The following LCORL variants were observed in gnomAD, a reference collection of about 807,000 sequenced individuals.
LCORL encodes ligand dependent nuclear receptor corepressor like.
LCORL carries 41 observed loss-of-function variants against 141.8 expected under a neutral mutation model. That is an observed-to-expected ratio of 0.29 (90% CI 0.23 to 0.38). The LOEUF is 0.38. Ranked by LOEUF, LCORL falls within the 10% of genes least tolerant of loss-of-function variation. LCORL has a pLI of 1.00. For synonymous variants in LCORL, 618 were observed against 694.1 expected, an observed-to-expected ratio of 0.89 and a Z score of 1.72; for missense variants, 1,759 against 2,035.0, an observed-to-expected ratio of 0.86 and a Z score of 2.61.
rs763116810 is a variant in LCORL, at chr4:18,021,685, GAGCGGCGGCGGCGGCGGCGGCAGC to G, written c.43_66del (p.Ala15_Ala22del). 7.9e-5 allele frequency: 121 copies of G among 1,534,832 alleles called. No individual in the cohort carries two copies. The highest frequency in any genetic ancestry group is 1.7e-4 in the Middle Eastern group (1 of 5,792). Reference sequence around the variant, plus strand: ...GCCGCGCACCGAGGGCTCCGGCACTGAGCGGCGGCGGCGGCGGCGGCAGCAGCGGCGGCGGCAGCGGCCATTCTC... The same window carrying G: ...GCCGCGCACCGAGGGCTCCGGCACTGAGCGGCGGCGGCAGCGGCCATTCTC... On this transcript the variant is annotated inframe_deletion, in exon 1 of 8. Coordinates refer to ENST00000635767, the Ensembl canonical transcript of LCORL. This position sits in a 1 kb window ranked among gnomAD's most constrained non-coding sequence, Gnocchi z 5.5.
intron 2 of LCORL, among the ~76,000 whole-genome samples, chr4:17,966,272 T>C (rs1482269830): frequency 1.3e-5 from 2 of 151,820 alleles, no homozygotes; most frequent in East Asian, 3.9e-4. Flanking sequence ...GGCTAGCCAA[T>C]GAAGAAAAAA....
intron 4 of LCORL, among the ~76,000 whole-genome samples, chr4:17,954,569 T>C (rs541199960): frequency 4.0e-5 from 5 of 126,076 alleles, no homozygotes; most frequent in South Asian, 6.6e-4. Context: ...TCTTTTTGCA[T>C]AGAAAGCTGA....
chr4:17,989,020 T>G (rs1355439071), intron 1 of LCORL, among the ~76,000 whole-genome samples: 1 of 152,178 alleles, frequency 6.6e-6, no homozygotes, highest in African/African-American at 2.4e-5. Context: ...TTAAAAAAAC[T>G]TTCTTTTTGG....
intron 4 of LCORL, among the ~76,000 whole-genome samples, chr4:17,915,770 G>A (rs947303735): frequency 1.1e-4 from 17 of 152,208 alleles, no homozygotes; most frequent in African/African-American, 4.1e-4. Flanking sequence ...TCTAAGCAAA[G>A]TGTGAAAGGT....
chr4:17,868,296 T>C (rs1025659964), intron 7 of LCORL, among the ~76,000 whole-genome samples: 15 of 152,160 alleles, frequency 9.9e-5, no homozygotes, highest in African/African-American at 2.6e-4. Context: ...GATGGCAAAA[T>C]AGAAGAAGCT....
intron 7 of LCORL, among the ~76,000 whole-genome samples, chr4:17,867,761 A>G (rs1408321833): frequency 6.6e-6 from 1 of 152,230 alleles, no homozygotes; most frequent in African/African-American, 2.4e-5. Context: ...GCAATTAGTA[A>G]AACAGAATAT....
rs1369019506 is a variant in LCORL at position 18,021,758 on chromosome 4, C to T, written c.-7G>A. The stretch of plus-strand genomic sequence containing the variant: ...TCTCTCTTCCCTTGTCCATCTGCGT[C>T]CCGCGTCACGCGCCCTCATTTACAT... On this transcript the variant is annotated 5_prime_UTR_variant, in exon 1 of 8. Coordinates refer to ENST00000635767, the Ensembl canonical transcript of LCORL. This position sits in a 1 kb window ranked among gnomAD's most constrained non-coding sequence, Gnocchi z 5.5. 1.0e-5 allele frequency: 15 copies of T among 1,489,026 alleles called. No homozygotes were observed. Among genetic ancestry groups the T allele is most frequent in the East Asian group, 2.7e-5 (1 of 37,570 alleles). The allele number at this position is 1,489,026 out of a possible 1,614,324, so 92.2% of individuals were successfully genotyped here.
At chr4:17,876,565 C>A in exon 7 of LCORL, 1 of 1,230,660 alleles carries the variant, frequency 8.1e-7, no homozygotes, top group East Asian at 3.2e-5. Flanking sequence ...TTCACTGGAT[C>A]GTTTTTTGTT....
intron 5 of LCORL, chr4:17,893,710 T>A (rs1057312801): frequency 2.8e-6 from 1 of 352,764 alleles, no homozygotes; most frequent in East Asian, 1.6e-4. Context: ...GTCCAAAATG[T>A]GTTTTTACAG....
intron 7 of LCORL, among the ~76,000 whole-genome samples, chr4:17,858,030 TAAAG>T (rs1041946293): frequency 6.6e-6 from 1 of 152,042 alleles, no homozygotes; most frequent in African/African-American, 2.4e-5. Context: ...GAAAAGTCAT[TAAAG>T]AAATAGATAA....
exon 7 of LCORL, chr4:17,875,018 A>G: frequency 8.1e-7 from 1 of 1,233,728 alleles, no homozygotes; most frequent in East Asian, 3.2e-5. Context: ...TCAAAGGTAC[A>G]GTAGCAATCA....
exon 8 of LCORL, chr4:17,845,901 G>A (rs1475640222): frequency 6.3e-7 from 1 of 1,594,944 alleles, no homozygotes; most frequent in African/African-American, 1.4e-5. Flanking sequence ...CTTGTAGCAT[G>A]CTGGAAGAAA....
At chr4:17,998,985 A>ATATATATAT (rs1553885284) in intron 1 of LCORL, among the ~76,000 whole-genome samples, 8 of 57,896 alleles carry the variant, frequency 1.4e-4, no homozygotes, top group South Asian at 1.5e-3. Flanking sequence ...AAAAAAAAAA[A>ATATATATAT]ATATATATAT....
intron 4 of LCORL, among the ~76,000 whole-genome samples, chr4:17,953,358 C>T (rs1312790119): frequency 2.6e-5 from 4 of 152,210 alleles, no homozygotes; most frequent in African/African-American, 9.6e-5. Flanking sequence ...CTTACACTCC[C>T]ACCAGCAGTG....
intron 4 of LCORL, among the ~76,000 whole-genome samples, chr4:17,942,652 A>G (rs889047472): frequency 1.3e-5 from 2 of 152,236 alleles, no homozygotes; most frequent in Non-Finnish European, 1.5e-5. Context: ...AAACTCTAAT[A>G]TAACTATGAT....
intron 1 of LCORL, among the ~76,000 whole-genome samples, chr4:17,983,840 T>A (rs887539301): frequency 6.6e-6 from 1 of 152,226 alleles, no homozygotes; most frequent in Non-Finnish European, 1.5e-5. Context: ...ATCCTTGTCA[T>A]GTGCCAGTTT....
At chr4:17,970,200 A>G (rs1288136678) in intron 2 of LCORL, among the ~76,000 whole-genome samples, 1 of 152,222 alleles carries the variant, frequency 6.6e-6, no homozygotes, top group East Asian at 1.9e-4. Context: ...ACCAGATAGA[A>G]GATCCAGAAA....
intron 7 of LCORL, among the ~76,000 whole-genome samples, chr4:17,867,426 T>C (rs139352564): frequency 1.6e-4 from 24 of 152,230 alleles, no homozygotes; most frequent in African/African-American, 5.1e-4. Flanking sequence ...AAAATAGCAA[T>C]AGGCAATATA....
In LCORL at chr4:17,960,796, G is replaced by T. The variant is rs140254765; in HGVS notation, c.430+1107C>A. On this transcript the variant is annotated intron_variant, in intron 4 of 7. Transcript: ENST00000635767. ...CACTGTACTAAAAATTTTGAAAAAA[G>T]ATTTGATTTTTAAAGATAATGCAGA... Among the ~76,000 whole-genome samples the T allele has an allele frequency of 1.6e-3, 240 of 152,032 alleles. 2 individuals carry two copies. The highest frequency in any genetic ancestry group is 5.6e-3 in the African/African-American group (232 of 41,484).
Sources: gnomAD v4.1 joint callset for allele counts (sites outside exome capture counted in the v4.1 genomes callset) on GRCh38, gnomAD v4.1.1 for gene constraint, Gnocchi (gnomAD v3.1) non-coding constraint, MANE v1.5 for transcripts, NCBI Gene and HGNC (gene_info 2026-07-23, HGNC 2026-07-21) for gene names.